Variants in ADGRL3 observed in about 807,000 individuals in gnomAD.
ADGRL3 encodes adhesion G protein-coupled receptor L3.
A neutral mutation model predicts 153.5 loss-of-function variants in ADGRL3; 62 were observed. That is an observed-to-expected ratio of 0.40 (90% CI 0.33 to 0.50). ADGRL3 has a LOEUF of 0.50. ADGRL3 is among the 20% of genes least tolerant of loss of function. The pLI, the probability that ADGRL3 is intolerant of heterozygous loss-of-function variation, is 0.47. For synonymous variants in ADGRL3, 710 were observed against 672.5 expected (o/e 1.06, Z -0.86); for missense variants, 1,641 against 1,859.4 (o/e 0.88, Z 2.16).
chr4:61,639,262 A>G (rs1368044247), intron 5 of ADGRL3, among the ~76,000 whole-genome samples: 2 of 152,168 alleles, frequency 1.3e-5, no homozygotes, highest in African/African-American at 4.8e-5. Context: ...TGATTATTAA[A>G]AGATCTAAAG....
At chr4:61,275,937 A>G (rs1011268797) in intron 1 of ADGRL3, among the ~76,000 whole-genome samples, 1 of 152,218 alleles carries the variant, frequency 6.6e-6, no homozygotes, top group African/African-American at 2.4e-5. Context: ...TCCAAGCATT[A>G]GAGCTCAGAC....
intron 6 of ADGRL3, 58 bp downstream of exon 6, chr4:61,676,993 A>T (rs1317472782): frequency 2.9e-6 from 3 of 1,045,558 alleles, no homozygotes; most frequent in Admixed American, 1.9e-5. Flanking sequence ...TGTGTTTTGC[A>T]TGCATTGACA....
chr4:61,355,191 G>C (rs752512665), intron 1 of ADGRL3, among the ~76,000 whole-genome samples: 1 of 152,050 alleles, frequency 6.6e-6, no homozygotes, highest in African/African-American at 2.4e-5. Context: ...TCTGTTTGCT[G>C]TATAGAAATG....
In ADGRL3 at chr4:61,486,068, C is replaced by T. The variant is rs377497022; in HGVS notation, c.-173-11053C>T. Among the ~76,000 whole-genome samples, 96 of 152,102 alleles carry T rather than the reference C, an allele frequency of 6.3e-4. 1 individual carries two copies. Among genetic ancestry groups the T allele is most frequent in the Non-Finnish European group, 9.3e-4 (63 of 67,986 alleles). ...ACGCCATTCTCCTGCCTCAGCCTCCCGAGTAGCTGGGACTACAGGCACCCG... is the reference window on the plus strand; with the variant it reads ...ACGCCATTCTCCTGCCTCAGCCTCCTGAGTAGCTGGGACTACAGGCACCCG... On this transcript the variant is annotated intron_variant, in intron 2 of 26. Transcript: ENST00000683033.
At chr4:61,373,303 T>G (rs910484461) in intron 1 of ADGRL3, among the ~76,000 whole-genome samples, 1 of 152,206 alleles carries the variant, frequency 6.6e-6, no homozygotes, top group African/African-American at 2.4e-5. Context: ...TGATTTTTTA[T>G]TGTAATAACC....
At chr4:61,291,236 C>T (rs1000368568) in intron 1 of ADGRL3, among the ~76,000 whole-genome samples, 2 of 93,962 alleles carry the variant, frequency 2.1e-5, no homozygotes, top group African/African-American at 3.5e-5. Context: ...ACACACCCCT[C>T]TGTGTCCATG....
intron 8 of ADGRL3, among the ~76,000 whole-genome samples, chr4:61,753,449 T>C (rs1466899006): frequency 6.6e-6 from 1 of 152,132 alleles, no homozygotes; most frequent in African/African-American, 2.4e-5. Flanking sequence ...TCTCAGAGCA[T>C]AGTATGGAAG....
At chr4:61,775,391 T>G in intron 8 of ADGRL3, 1 of 488,682 alleles carries the variant, frequency 2.0e-6, no homozygotes, top group Admixed American at 3.1e-5. Flanking sequence ...AATTTTCTTT[T>G]TTTTCTTTCT....
At chr4:61,492,020 A>AAAACAAAC (rs10667912) in intron 2 of ADGRL3, among the ~76,000 whole-genome samples, 172 of 150,682 alleles carry the variant, frequency 1.1e-3, no homozygotes, top group South Asian at 5.2e-3. Flanking sequence ...AACAATGAAA[A>AAAACAAAC]AAACAAACAA....
At chr4:61,504,933 G>A (rs758854081) in intron 3 of ADGRL3, among the ~76,000 whole-genome samples, 2 of 152,108 alleles carry the variant, frequency 1.3e-5, no homozygotes, top group Non-Finnish European at 2.9e-5. Context: ...AGTGCACATA[G>A]CTCTTCAAAA....
chr4:61,613,511 G>C (rs769826906), intron 5 of ADGRL3, among the ~76,000 whole-genome samples: 1 of 152,030 alleles, frequency 6.6e-6, no homozygotes, highest in African/African-American at 2.4e-5. Context: ...TGGGAGGCTG[G>C]GGCAGGTGAA....
chr4:62,059,312 C>T (rs1738796722), intron 25 of ADGRL3, among the ~76,000 whole-genome samples: 3 of 152,270 alleles, frequency 2.0e-5, no homozygotes, highest in South Asian at 2.1e-4. Flanking sequence ...GTGTTTTATA[C>T]ACTTTGCAAA....
intron 1 of ADGRL3, among the ~76,000 whole-genome samples, chr4:61,329,466 AG>A (rs1253067148): frequency 6.6e-6 from 1 of 152,112 alleles, no homozygotes; most frequent in Non-Finnish European, 1.5e-5. Context: ...ATTTCTCTTC[AG>A]GTTTATTTTT....
chr4:61,698,426 T>C (rs889563051), intron 6 of ADGRL3, among the ~76,000 whole-genome samples: 3 of 152,054 alleles, frequency 2.0e-5, no homozygotes, highest in Non-Finnish European at 4.4e-5. Context: ...CACTCCAGTC[T>C]GGGTGACAGT....
intron 9 of ADGRL3, among the ~76,000 whole-genome samples, chr4:61,887,934 T>G (rs17082465): frequency 0.015 from 2,342 of 152,306 alleles, 52 homozygotes; most frequent in African/African-American, 0.054. Flanking sequence ...ATTATTGTAC[T>G]CCACAAGTTA....
rs1271844379 is a variant in ADGRL3, at chr4:61,935,916, T to G, written c.2297-7T>G. On this transcript the variant is annotated splice_region_variant and splice_polypyrimidine_tract_variant and intron_variant, in intron 14 of 26. Coordinates refer to ENST00000683033, the MANE Select transcript of ADGRL3 (RefSeq NM_001387552.1). Reference sequence around the variant, plus strand: ...AATGAGCACTGATATCTCTTTGATATTAACAGAATTGGAAGTTGCAAGACT... The same window carrying G: ...AATGAGCACTGATATCTCTTTGATAGTAACAGAATTGGAAGTTGCAAGACT... 6.3e-7 allele frequency: 1 copy of G among 1,586,418 alleles called. No homozygotes were observed. The highest frequency in any genetic ancestry group is 1.8e-5 in the Admixed American group (1 of 55,586).
chr4:61,724,175 A>G (rs1184309259), intron 6 of ADGRL3, among the ~76,000 whole-genome samples: 2 of 152,232 alleles, frequency 1.3e-5, no homozygotes, highest in Non-Finnish European at 2.9e-5. Flanking sequence ...GTTATCATAT[A>G]GTAGTAACAA....
intron 18 of ADGRL3, among the ~76,000 whole-genome samples, chr4:61,980,782 A>C (rs2099065557): frequency 6.6e-6 from 1 of 152,026 alleles, no homozygotes; most frequent in South Asian, 2.1e-4. Context: ...AATTTCCTCC[A>C]TGCCTTTTTT....
At chr4:61,804,666 T>C (rs1010078048) in intron 8 of ADGRL3, among the ~76,000 whole-genome samples, 4 of 152,198 alleles carry the variant, frequency 2.6e-5, no homozygotes, top group Admixed American at 2.6e-4. Context: ...AATTCCCTTA[T>C]AGATCTGCCT....
Sources: allele counts gnomAD v4.1 joint callset (sites outside exome capture counted in the v4.1 genomes callset), GRCh38; gene constraint gnomAD v4.1.1; transcripts MANE v1.5; gene names NCBI Gene and HGNC (gene_info 2026-07-23, HGNC 2026-07-21).